The following ADGRG6 variants were observed in gnomAD, a reference collection of about 807,000 sequenced individuals.
ADGRG6 encodes the protein G-protein coupled receptor 126.
In ADGRG6, 84 loss-of-function variants were observed where a neutral mutation model predicts 142.4. That is an observed-to-expected ratio of 0.59 (90% CI 0.49 to 0.71). The LOEUF is 0.71. ADGRG6 is among the 30% of genes least tolerant of loss of function. ADGRG6 has a pLI of 0.00. For synonymous variants in ADGRG6, 521 were observed against 520.5 expected (o/e 1.00, Z -0.01); for missense variants, 1,367 against 1,466.6 (o/e 0.93, Z 1.11).
In ADGRG6 at chr6:142,370,761, T is replaced by C; in HGVS notation, c.1037T>C (p.Leu346Pro). 6.2e-7 allele frequency: 1 copy of C among 1,612,966 alleles called. No individual in the cohort carries two copies. The highest frequency in any genetic ancestry group is 8.5e-7 in the Non-Finnish European group (1 of 1,179,408). ...WQNDFWNIPN[L>P]ALKAESNLSC... ...AATGACTTCTGGAATATCCCAAACC[T>C]AGCTCTGAAAGCTGAAAGCAACCTA... The change falls in exon 4 of 25, where the codon CTA becomes CCA. Residue 346 changes from leucine to proline, a missense_variant. Physicochemically the swap from Leu to Pro is moderately conservative, Grantham distance 98 (BLOSUM62 -3). Around this residue, in one of 3 missense-constraint regions of ADGRG6, gnomAD observed 737 missense variants for 746.5 expected, o/e 0.99. Coordinates refer to ENST00000367609, the MANE Select transcript of ADGRG6 (RefSeq NM_198569.3).
chr6:142,339,298 G>A (rs1399948538), intron 2 of ADGRG6, among the ~76,000 whole-genome samples: 2 of 152,164 alleles, frequency 1.3e-5, no homozygotes, highest in Admixed American at 6.5e-5. Context: ...CCACTGGGGC[G>A]TAACAAAAAT....
intron 2 of ADGRG6, among the ~76,000 whole-genome samples, chr6:142,362,730 A>G (rs1003592984): frequency 2.6e-5 from 4 of 152,198 alleles, no homozygotes; most frequent in African/African-American, 7.2e-5. Flanking sequence ...AGCATCTAAA[A>G]TGTTATTGAT....
chr6:142,370,102 G>A lies in ADGRG6; in HGVS notation c.446-68G>A, dbSNP rs573258921. ...AGTAGAAAGCGATGGAGGGCTTGAT[G>A]TTTTGCATCACATTAGTCTGTGTTC... On this transcript the variant is annotated intron_variant, in intron 3 of 24. Coordinates refer to ENST00000367609, the MANE Select transcript of ADGRG6 (RefSeq NM_198569.3). The A allele has an allele frequency of 8.7e-6, 12 of 1,375,020 alleles. No homozygotes were observed. The African/African-American group carries it at 1.6e-4, about 18-fold the overall frequency. The allele number at this position is 1,375,020 out of a possible 1,614,324, so 85.2% of individuals were successfully genotyped here. A position where few individuals can be genotyped will look rare whatever the true frequency, so the allele number is the denominator to read the frequency against.
chr6:142,318,004 ATAATATTTATGTTATATATAT>A, intron 2 of ADGRG6, among the ~76,000 whole-genome samples: 1 of 45,126 alleles, frequency 2.2e-5, no homozygotes, highest in African/African-American at 1.0e-4. Flanking sequence ...TATATTATAT[ATAATATTTATGTTATATATAT>A]TATATATAAT....
At chr6:142,316,994 A>G (rs1486778964) in intron 2 of ADGRG6, among the ~76,000 whole-genome samples, 1 of 152,052 alleles carries the variant, frequency 6.6e-6, no homozygotes, top group Non-Finnish European at 1.5e-5. Flanking sequence ...TAACCTGAAA[A>G]TCTATTACTT....
At chr6:142,428,360 T>A (rs967130211) in intron 22 of ADGRG6, among the ~76,000 whole-genome samples, 3 of 152,162 alleles carry the variant, frequency 2.0e-5, no homozygotes, top group African/African-American at 7.2e-5. Flanking sequence ...ATCTGTTTGA[T>A]TATAAAAATT....
chr6:142,372,615 G>A (rs1781312869), intron 4 of ADGRG6, among the ~76,000 whole-genome samples: 1 of 152,208 alleles, frequency 6.6e-6, no homozygotes, highest in Non-Finnish European at 1.5e-5. Context: ...TGTTCCACAA[G>A]GGAACTGCAG....
chr6:142,385,428 T>C (rs980746907), intron 6 of ADGRG6, among the ~76,000 whole-genome samples: 10 of 152,214 alleles, frequency 6.6e-5, no homozygotes, highest in Admixed American at 6.5e-4. Flanking sequence ...TGTTCTCAAA[T>C]TTGTGTACCA....
chr6:142,360,047 A>G (rs1207196467), intron 2 of ADGRG6, among the ~76,000 whole-genome samples: 1 of 152,202 alleles, frequency 6.6e-6, no homozygotes, highest in African/African-American at 2.4e-5. Flanking sequence ...AACTGTGGGA[A>G]TGAGATGAGG....
intron 22 of ADGRG6, among the ~76,000 whole-genome samples, chr6:142,421,758 ATGT>A (rs1214766930): frequency 2.0e-5 from 3 of 152,166 alleles, no homozygotes; most frequent in Non-Finnish European, 4.4e-5. Context: ...GGAGGGAAAA[ATGT>A]TGTAAACCAT....
intron 4 of ADGRG6, 62 bp downstream of exon 4, chr6:142,370,855 T>C (rs777803937): frequency 2.0e-6 from 3 of 1,514,054 alleles, no homozygotes; most frequent in African/African-American, 1.4e-5. Flanking sequence ...AATATGATTG[T>C]CAACAAAGAA....
intron 2 of ADGRG6, among the ~76,000 whole-genome samples, chr6:142,324,346 T>C (rs1308664573): frequency 6.6e-6 from 1 of 152,086 alleles, no homozygotes; most frequent in African/African-American, 2.4e-5. Context: ...TGAAGTTCCC[T>C]CACTATGTAT....
chr6:142,379,766 CA>C (rs1781672763), intron 4 of ADGRG6, among the ~76,000 whole-genome samples: 2 of 151,628 alleles, frequency 1.3e-5, no homozygotes, highest in Admixed American at 1.3e-4. Context: ...GACTCCATCT[CA>C]AAAAAAGAAA....
chr6:142,428,838 C>T (rs913643885), intron 22 of ADGRG6, among the ~76,000 whole-genome samples: 21 of 152,030 alleles, frequency 1.4e-4, no homozygotes, highest in Non-Finnish European at 1.0e-4. Flanking sequence ...GGACACAAAG[C>T]CAAACCATAT....
At chr6:142,347,498 G>C (rs796298624) in intron 2 of ADGRG6, among the ~76,000 whole-genome samples, 2 of 152,240 alleles carry the variant, frequency 1.3e-5, no homozygotes, top group East Asian at 1.9e-4. Context: ...GATGAATCCA[G>C]TGTTTAATCT....
intron 22 of ADGRG6, among the ~76,000 whole-genome samples, chr6:142,421,787 C>A (rs1776664869): frequency 6.6e-6 from 1 of 152,128 alleles, no homozygotes; most frequent in African/African-American, 2.4e-5. Context: ...ACTCAGTGTT[C>A]TTCATAAATC....
intron 18 of ADGRG6, among the ~76,000 whole-genome samples, chr6:142,411,644 C>T (rs942731589): frequency 1.3e-5 from 2 of 151,948 alleles, no homozygotes; most frequent in African/African-American, 2.4e-5. Context: ...GTAGCATTAA[C>T]AGTGATGATA....
At chr6:142,349,180 A>G (rs774993530) in intron 2 of ADGRG6, among the ~76,000 whole-genome samples, 12 of 152,194 alleles carry the variant, frequency 7.9e-5, no homozygotes, top group East Asian at 1.9e-4. Context: ...TCTTGTTTCA[A>G]TCAAACATAA....
chr6:142,317,196 A>C (rs1778124407), intron 2 of ADGRG6, among the ~76,000 whole-genome samples: 1 of 152,062 alleles, frequency 6.6e-6, no homozygotes, highest in African/African-American at 2.4e-5. Context: ...ACTTCTCATC[A>C]TCTGACTGGC....
Sources: gnomAD v4.1 joint callset for allele counts (sites outside exome capture counted in the v4.1 genomes callset) on GRCh38, gnomAD v4.1.1 for gene constraint, gnomAD v4.1.1 regional missense constraint, MANE v1.5 for transcripts, NCBI Gene and HGNC (gene_info 2026-07-23, HGNC 2026-07-21) for gene names.